NAALADL2: variants seen among roughly 807,000 people sequenced by gnomAD.
The protein encoded by NAALADL2 is inactive N-acetylated-alpha-linked acidic dipeptidase-like protein 2.
In NAALADL2, 76 loss-of-function variants were observed where a neutral mutation model predicts 87.2. That is an observed-to-expected ratio of 0.87 (90% confidence interval 0.72 to 1.05). NAALADL2 has a LOEUF of 1.05. Ranked by LOEUF, NAALADL2 falls within the 50% of genes least tolerant of loss-of-function variation. The pLI is 0.00. For missense variants in NAALADL2, 1,089 were observed against 945.8 expected (o/e 1.15, Z -1.99); for synonymous variants, 354 against 331.0 (o/e 1.07, Z -0.75).
chr3:175,231,246 G>A (rs1224216949), intron 2 of NAALADL2, among the ~76,000 whole-genome samples: 2 of 151,916 alleles, frequency 1.3e-5, no homozygotes, highest in Non-Finnish European at 1.5e-5. Flanking sequence ...GTAAGTGATT[G>A]AATAGAGAAA....
At chr3:175,007,221 G>C (rs1324113081) in intron 1 of NAALADL2, among the ~76,000 whole-genome samples, 1 of 150,390 alleles carries the variant, frequency 6.6e-6, no homozygotes, top group Non-Finnish European at 1.5e-5. Flanking sequence ...ACCTATTGTA[G>C]TGCTAGTAAA....
chr3:174,689,355 T>G (rs572711650), intron 2 of NAALADL2, among the ~76,000 whole-genome samples: 9 of 151,774 alleles, frequency 5.9e-5, no homozygotes, highest in Admixed American at 1.3e-4. Context: ...ACCAATTGTT[T>G]CATGAACTAC....
chr3:175,425,080 A>C (rs920528942), intron 5 of NAALADL2, among the ~76,000 whole-genome samples: 19 of 152,184 alleles, frequency 1.2e-4, no homozygotes, highest in African/African-American at 4.6e-4. Flanking sequence ...GTGGGATATT[A>C]AGTATGAGGG....
chr3:175,724,606 A>T (rs1583022234), intron 11 of NAALADL2, among the ~76,000 whole-genome samples: 2 of 152,260 alleles, frequency 1.3e-5, no homozygotes, highest in East Asian at 3.9e-4. Context: ...GTAATTGCAT[A>T]CAGTAAGGGT....
chr3:174,575,443 C>G (rs965380851), intron 2 of NAALADL2, among the ~76,000 whole-genome samples: 7 of 152,082 alleles, frequency 4.6e-5, no homozygotes, highest in African/African-American at 1.7e-4. Flanking sequence ...CCAAACATTT[C>G]CTAGTTAGTG....
chr3:174,989,852 AGCAAAATGGTAATCT>A (rs1746474702), intron 1 of NAALADL2, among the ~76,000 whole-genome samples: 1 of 152,172 alleles, frequency 6.6e-6, no homozygotes, highest in African/African-American at 2.4e-5. Flanking sequence ...TGGAAAACTA[AGCAAAATGGTAATCT>A]GCATATATAG....
At chr3:175,772,271 T>A (rs140694018) in intron 13 of NAALADL2, among the ~76,000 whole-genome samples, 111 of 151,732 alleles carry the variant, frequency 7.3e-4, no homozygotes, top group African/African-American at 1.8e-3. Flanking sequence ...TTATTTATTT[T>A]TTTTTTTGTT....
At chr3:174,660,428 T>G (rs1725396354) in intron 2 of NAALADL2, among the ~76,000 whole-genome samples, 1 of 152,192 alleles carries the variant, frequency 6.6e-6, no homozygotes, top group Non-Finnish European at 1.5e-5. Context: ...CACAGGTTAT[T>G]CATTAGATAC....
chr3:174,882,794 T>TACACACGTGTATATATAC (rs1489766721), intron 1 of NAALADL2, among the ~76,000 whole-genome samples: 2 of 104,982 alleles, frequency 1.9e-5, no homozygotes, highest in African/African-American at 9.9e-5. Context: ...TGTGTATATA[T>TACACACGTGTATATATAC]ACACGTGTGT....
At chr3:174,638,490 A>C (rs1303402125) in intron 2 of NAALADL2, among the ~76,000 whole-genome samples, 1 of 152,186 alleles carries the variant, frequency 6.6e-6, no homozygotes, top group East Asian at 1.9e-4. Context: ...AATGTCAGTC[A>C]AGGATGAAGT....
rs531332762 is a variant in NAALADL2, at chr3:175,597,533, A to G, written c.1800+21346A>G. Among the ~76,000 whole-genome samples the G allele has an allele frequency of 3.4e-4, 51 of 152,094 alleles. 1 individual carries two copies. The highest frequency in any genetic ancestry group is 1.2e-3 in the African/African-American group (48 of 41,548). ...TTAATCTCTTTATCTATAGAGTGAGAGTCATGATACCTGCCTCATGATTAT... is the reference window on the plus strand; with the variant it reads ...TTAATCTCTTTATCTATAGAGTGAGGGTCATGATACCTGCCTCATGATTAT... On this transcript the variant is annotated intron_variant, in intron 10 of 13. Coordinates refer to ENST00000454872, the MANE Select transcript of NAALADL2 (RefSeq NM_207015.3).
chr3:175,727,431 G>A (rs1743089108), intron 11 of NAALADL2, among the ~76,000 whole-genome samples: 1 of 152,168 alleles, frequency 6.6e-6, no homozygotes, highest in Non-Finnish European at 1.5e-5. Flanking sequence ...AACAGGATAA[G>A]TCACAGGAGC....
chr3:174,667,068 T>C (rs149584792), intron 2 of NAALADL2, among the ~76,000 whole-genome samples: 1 of 152,314 alleles, frequency 6.6e-6, no homozygotes, highest in East Asian at 1.9e-4. Context: ...ACATTTTCTT[T>C]ATCCATTCAT....
At position 174,927,292 on chromosome 3, in the gene NAALADL2, AG is replaced by A. The variant is rs1459651444; in HGVS notation, c.43+67843del. Among the ~76,000 whole-genome samples, 7 of 152,332 alleles carry A rather than the reference AG, an allele frequency of 4.6e-5. No individual in the cohort carries two copies. The East Asian group carries it at 1.4e-3, about 29-fold the overall frequency. On this transcript the variant is annotated intron_variant, in intron 1 of 13. Coordinates refer to ENST00000454872, the MANE Select transcript of NAALADL2 (RefSeq NM_207015.3). ...TAACACCCCACTGTCAACATTAGAC[AG>A]ATCAACGGGACAGAAAGTTAATAAG...
At chr3:175,385,498 GAA>G (rs1024529774) in intron 5 of NAALADL2, among the ~76,000 whole-genome samples, 6 of 151,790 alleles carry the variant, frequency 4.0e-5, no homozygotes, top group African/African-American at 1.4e-4. Context: ...TAAATTGAAA[GAA>G]AAAAGGTAGA....
chr3:175,151,586 G>A lies in NAALADL2; in HGVS notation c.545+54295G>A, dbSNP rs1471467100. Among the ~76,000 whole-genome samples the A allele has an allele frequency of 2.6e-5, 4 of 152,154 alleles. No homozygotes were observed. In the East Asian group the frequency reaches 7.8e-4, roughly 29 times the overall value. On this transcript the variant is annotated intron_variant, in intron 2 of 13. Transcript: ENST00000454872. ...AGGTCAGACTCTCTGTGGGCCAGGA[G>A]TCTCCAAACTCTTCAGCTGAGCATC... is the stretch of plus-strand genomic sequence containing the variant.
At chr3:175,037,747 G>A (rs1326877184) in intron 1 of NAALADL2, among the ~76,000 whole-genome samples, 1 of 152,084 alleles carries the variant, frequency 6.6e-6, no homozygotes, top group Non-Finnish European at 1.5e-5. Context: ...CTGCATTCTG[G>A]TATACACATC....
intron 1 of NAALADL2, among the ~76,000 whole-genome samples, chr3:174,487,068 T>C (rs1717902072): frequency 6.6e-6 from 1 of 151,964 alleles, no homozygotes; most frequent in Non-Finnish European, 1.5e-5. Flanking sequence ...GTCCTGATGC[T>C]TAGACGATGG....
intron 1 of NAALADL2, among the ~76,000 whole-genome samples, chr3:174,861,433 G>A (rs539327672): frequency 6.6e-6 from 1 of 152,142 alleles, no homozygotes; most frequent in South Asian, 2.1e-4. Flanking sequence ...CAAAGTGAAT[G>A]AAAAGTTATT....
Sources: gnomAD v4.1 joint callset for allele counts (sites outside exome capture counted in the v4.1 genomes callset) on GRCh38, gnomAD v4.1.1 for gene constraint, MANE v1.5 for transcripts, NCBI Gene and HGNC (gene_info 2026-07-23, HGNC 2026-07-21) for gene names.